FAM184A: variants seen among roughly 807,000 people sequenced by gnomAD.
The protein encoded by FAM184A is protein FAM184A.
A neutral mutation model predicts 143.8 loss-of-function variants in FAM184A; 99 were observed. The observed-to-expected ratio is 0.69, with a 90% CI of 0.58 to 0.81. The LOEUF is 0.81. FAM184A is among the 40% of genes least tolerant of loss of function. FAM184A has a pLI of 0.00. For missense variants in FAM184A, 1,217 were observed against 1,310.5 expected, an observed-to-expected ratio of 0.93 and a Z score of 1.10; for synonymous variants, 427 against 446.4, an observed-to-expected ratio of 0.96 and a Z score of 0.55.
intron 1 of FAM184A, among the ~76,000 whole-genome samples, chr6:119,044,370 A>T (rs1786451804): frequency 6.6e-6 from 1 of 152,180 alleles, no homozygotes. Flanking sequence ...ATCACTTGAG[A>T]CCAGGAATTC....
At chr6:119,073,619 G>T (rs565480215) in intron 1 of FAM184A, among the ~76,000 whole-genome samples, 12 of 152,260 alleles carry the variant, frequency 7.9e-5, no homozygotes, top group African/African-American at 2.9e-4. Context: ...GTGGTAACAG[G>T]GGCCTGTGTC....
At chr6:118,985,468 G>A (rs1784163288) in intron 9 of FAM184A, among the ~76,000 whole-genome samples, 1 of 152,096 alleles carries the variant, frequency 6.6e-6, no homozygotes, top group Admixed American at 6.5e-5. Context: ...CCAGTAGAGG[G>A]GCCAGCCAGT....
chr6:119,144,265 C>T lies in FAM184A; in HGVS notation c.-202+4813G>A, dbSNP rs189266526. ...AGGAGAATGGCGTGAACCTGGGAGG[C>T]GGAGCTTGCAGTGAGCTGAGATAGT... is the stretch of plus-strand genomic sequence containing the variant. On this transcript the variant is annotated intron_variant, in intron 1 of 16. Coordinates refer to the FAM184A transcript ENST00000352896. Among the ~76,000 whole-genome samples, 51 of 145,578 alleles carry T rather than the reference C, an allele frequency of 3.5e-4. 1 individual carries two copies. Among genetic ancestry groups the T allele is most frequent in the African/African-American group, 1.2e-3 (49 of 39,368 alleles).
At chr6:118,970,009 T>TATATATATATATATA (rs1491454245) in intron 14 of FAM184A, among the ~76,000 whole-genome samples, 3 of 23,270 alleles carry the variant, frequency 1.3e-4, no homozygotes, top group African/African-American at 1.7e-4. Flanking sequence ...TATATATATA[T>TATATATATATATATA]TTTTTTTTTT....
chr6:119,121,066 A>T (rs661645), intron 1 of FAM184A, among the ~76,000 whole-genome samples: 138,374 of 151,528 alleles, frequency 0.91, 63,239 homozygotes, highest in East Asian at 1. Flanking sequence ...CACATTGGCC[A>T]CTCAAAGTAC....
chr6:119,003,409 C>G, intron 8 of FAM184A, 92 bp downstream of exon 8: 1 of 1,204,404 alleles, frequency 8.3e-7, no homozygotes, highest in Non-Finnish European at 1.1e-6. Context: ...AATACTGCTA[C>G]TATGTCTTTA....
intron 7 of FAM184A, chr6:119,005,292 C>T (rs560549694): frequency 6.6e-6 from 1 of 151,754 alleles, no homozygotes; most frequent in African/African-American, 2.4e-5. Flanking sequence ...GGAAATGATT[C>T]GAGGAAAATG....
intron 9 of FAM184A, among the ~76,000 whole-genome samples, chr6:118,988,022 G>A (rs761837435): frequency 4.6e-5 from 7 of 152,146 alleles, no homozygotes; most frequent in Admixed American, 1.3e-4. Flanking sequence ...TGTTGTTTAT[G>A]CAAAATGAAA....
intron 1 of FAM184A, among the ~76,000 whole-genome samples, chr6:119,094,787 G>T (rs574502550): frequency 2.0e-5 from 3 of 151,944 alleles, no homozygotes; most frequent in Admixed American, 2.0e-4. Context: ...AGGAGGGGAT[G>T]TTATTGAACT....
chr6:119,148,793 GT>G (rs1293986657), intron 1 of FAM184A, among the ~76,000 whole-genome samples: 3 of 151,752 alleles, frequency 2.0e-5, no homozygotes, highest in East Asian at 3.9e-4. Context: ...ATCAGGATCT[GT>G]ATTTTTTTTT....
At chr6:119,027,620 A>C (rs1284902329) in intron 1 of FAM184A, among the ~76,000 whole-genome samples, 1 of 152,188 alleles carries the variant, frequency 6.6e-6, no homozygotes, top group Non-Finnish European at 1.5e-5. Flanking sequence ...TAATTCAGTA[A>C]CTTGTTAAAC....
At chr6:119,044,592 A>T (rs76470344) in intron 1 of FAM184A, among the ~76,000 whole-genome samples, 1 of 130,068 alleles carries the variant, frequency 7.7e-6, no homozygotes, top group African/African-American at 2.8e-5. Context: ...CTCTTTAATT[A>T]AAAAAAAAAA....
At chr6:119,138,100 T>C (rs1424367650) in intron 1 of FAM184A, among the ~76,000 whole-genome samples, 1 of 152,208 alleles carries the variant, frequency 6.6e-6, no homozygotes, top group Admixed American at 6.5e-5. Context: ...GTGCTAGGTA[T>C]TGAGAAGTCA....
chr6:119,100,503 C>G (rs980445766), intron 1 of FAM184A, among the ~76,000 whole-genome samples: 2 of 152,126 alleles, frequency 1.3e-5, no homozygotes, highest in Non-Finnish European at 2.9e-5. Context: ...GGTGAAAAGT[C>G]ATTGTCTACC....
At chr6:119,136,643 C>G (rs1204888088) in intron 1 of FAM184A, among the ~76,000 whole-genome samples, 2 of 152,170 alleles carry the variant, frequency 1.3e-5, no homozygotes, top group Admixed American at 1.3e-4. Flanking sequence ...ATTAGGGTAG[C>G]TCCAGGAATC....
chr6:119,119,943 C>T (rs982261291), intron 1 of FAM184A, among the ~76,000 whole-genome samples: 3 of 152,128 alleles, frequency 2.0e-5, no homozygotes, highest in Non-Finnish European at 4.4e-5. Context: ...ATGATTGTGC[C>T]GCTGCAGCAC....
At chr6:119,016,684 G>C in intron 5 of FAM184A, 63 bp downstream of exon 5, 1 of 1,424,054 alleles carries the variant, frequency 7.0e-7, no homozygotes, top group Non-Finnish European at 9.9e-7. Flanking sequence ...CACCAATTCC[G>C]GACACACTAC....
chr6:119,092,342 G>T (rs982424184), intron 1 of FAM184A, among the ~76,000 whole-genome samples: 1 of 152,046 alleles, frequency 6.6e-6, no homozygotes, highest in Non-Finnish European at 1.5e-5. Context: ...TTGCCATGTT[G>T]CCCAGCCTGG....
At position 119,024,099 on chromosome 6, in the gene FAM184A, G is replaced by A. The variant is rs1785548674; in HGVS notation, c.874C>T (p.Gln292Ter). ...TTTCGTAAAATTGCTTCTTGTCCCT[G>A]AAATTCTTTTCTAAGATCAGCTTCC... ...EKEADLRKEF[Q>*]GQEAILRKTI... The change falls in exon 2 of 18, where the codon CAG becomes TAG. Residue 292 changes from glutamine to a stop codon, truncating the protein, a stop_gained. Coordinates refer to ENST00000338891, the MANE Select transcript of FAM184A (RefSeq NM_024581.6). LOFTEE classifies it high-confidence loss of function. 5 of 1,614,174 alleles carry A rather than the reference G, an allele frequency of 3.1e-6. No homozygotes were observed. Among genetic ancestry groups the A allele is most frequent in the Non-Finnish European group, 4.2e-6 (5 of 1,180,042 alleles).
Sources: gnomAD v4.1 joint callset for allele counts (sites outside exome capture counted in the v4.1 genomes callset) on GRCh38, gnomAD v4.1.1 for gene constraint, MANE v1.5 for transcripts, NCBI Gene and HGNC (gene_info 2026-07-23, HGNC 2026-07-21) for gene names.